SMG8: variants seen among roughly 807,000 people sequenced by gnomAD.
SMG8 encodes the protein SMG8 nonsense mediated mRNA decay factor.
A neutral mutation model predicts 82.1 loss-of-function variants in SMG8; 49 were observed. That is an observed-to-expected ratio of 0.60 (90% CI 0.47 to 0.76). SMG8 has a LOEUF of 0.76. Ranked by LOEUF, SMG8 falls within the 30% of genes least tolerant of loss-of-function variation. SMG8 has a pLI of 0.00. For synonymous variants in SMG8, 404 were observed against 430.0 expected, an observed-to-expected ratio of 0.94 and a Z score of 0.75; for missense variants, 969 against 1,166.4, an observed-to-expected ratio of 0.83 and a Z score of 2.46.
Position 59,212,345 on chromosome 17 carries a change from A to G in SMG8, c.1764A>G (p.Glu588=). ...HKFHSLPKSG[E]KPEADRNPPV... is the part of the protein sequence containing the mutation. ...AGTGGCTGTTATATTTTCCAGGAGAAAAACCAGAGGCTGATAGAAATCCGC... is the reference window on the plus strand; with the variant it reads ...AGTGGCTGTTATATTTTCCAGGAGAGAAACCAGAGGCTGATAGAAATCCGC... The change falls in exon 2 of 4, where the codon GAA becomes GAG. Residue 588 remains glutamate (E), a synonymous_variant. Coordinates refer to ENST00000300917, the MANE Select transcript of SMG8 (RefSeq NM_018149.7). The G allele has an allele frequency of 6.4e-7, 1 of 1,557,634 alleles. No homozygotes were observed. The highest frequency in any genetic ancestry group is 8.7e-7 in the Non-Finnish European group (1 of 1,143,028).
At position 59,210,565 on chromosome 17, in the gene SMG8, G is replaced by C. The variant is rs2147863831; in HGVS notation, c.514G>C (p.Gly172Arg). ...CCGGGCTTGTCGGGCTCTTCAGAGC[G>C]GGGAAGCTGGAGGTGGACTCTCTTT... ...LLRACRALQS[G>R]EAGGGLSLPH... The change falls in exon 1 of 4, where the codon GGG (glycine) becomes CGG (arginine). Residue 172 changes from glycine (G) to arginine (R), a missense_variant. By Grantham distance (125) the Gly-to-Arg change is moderately radical. Around this residue, in one of 3 missense-constraint regions of SMG8, gnomAD observed 662 missense variants for 884.8 expected, o/e 0.75. Coordinates refer to ENST00000300917, the MANE Select transcript of SMG8 (RefSeq NM_018149.7). 6.3e-7 allele frequency: 1 copy of C among 1,575,696 alleles called. No homozygotes were observed. Among genetic ancestry groups the C allele is most frequent in the African/African-American group, 1.4e-5 (1 of 73,664 alleles).
In SMG8 at chr17:59,210,401, G is replaced by C. The variant is rs759055595; in HGVS notation, c.350G>C (p.Arg117Pro). ...DPGAAAGGSV[R>P]GSGAVAEGNR... ...GGGGCTGCAGCCGGGGGTTCAGTTCGGGGAAGTGGAGCTGTCGCGGAAGGT... is the reference window on the plus strand; with the variant it reads ...GGGGCTGCAGCCGGGGGTTCAGTTCCGGGAAGTGGAGCTGTCGCGGAAGGT... Residue 117 changes from arginine (R) to proline (P), a missense_variant, in exon 1 of 4, where the codon CGG (arginine) becomes CCG (proline). Arg to Pro is a moderately radical substitution (Grantham distance 103, BLOSUM62 -2). Coordinates refer to ENST00000300917, the MANE Select transcript of SMG8 (RefSeq NM_018149.7). 10 of 1,610,700 alleles carry C rather than the reference G, an allele frequency of 6.2e-6. No individual in the cohort carries two copies. In the African/African-American group the frequency reaches 9.4e-5, roughly 15 times the overall value.
intron 3 of SMG8, among the ~76,000 whole-genome samples, chr17:59,213,838 A>AAATTG (rs1332200016): frequency 6.6e-6 from 1 of 152,202 alleles, no homozygotes; most frequent in African/African-American, 2.4e-5. Context: ...AAATTAAATT[A>AAATTG]AAAAACGAAT....
chr17:59,212,203 A>G (rs1161950721), intron 1 of SMG8, 138 bp from the exon 2 acceptor site: 23 of 631,642 alleles, frequency 3.6e-5, no homozygotes, highest in Non-Finnish European at 2.5e-6. Context: ...AATATAAAGT[A>G]TTTTATATAC....
intron 3 of SMG8, among the ~76,000 whole-genome samples, chr17:59,214,266 G>C (rs550962004): frequency 9.2e-5 from 14 of 151,966 alleles, no homozygotes; most frequent in African/African-American, 2.9e-4. Context: ...CAGCCTGGGT[G>C]ACTAAGAAAG....
chr17:59,213,335 C>T lies in SMG8; in HGVS notation c.2512C>T (p.Arg838Trp), dbSNP rs780424358. 6.2e-6 allele frequency: 10 copies of T among 1,614,010 alleles called. No individual in the cohort carries two copies. In the Admixed American group the frequency reaches 1.0e-4, roughly 16 times the overall value. ...TGCGGTTGTAATGGGAAGAGGAAGA[C>T]GGCGAGATGACATAGCTCGAGCTTT... ...RSAVVMGRGRRRDDIARAFVG... is the reference protein window; with the variant it reads ...RSAVVMGRGRWRDDIARAFVG... Residue 838 changes from arginine to tryptophan, a missense_variant, in exon 3 of 4, where the codon CGG (arginine) becomes TGG (tryptophan). By Grantham distance (101) the Arg-to-Trp change is moderately radical. Transcript: ENST00000300917.
In SMG8 at chr17:59,210,285, T is replaced by A. The variant is rs772500061; in HGVS notation, c.234T>A (p.Pro78=). 1 of 1,613,136 alleles carries A rather than the reference T, an allele frequency of 6.2e-7. No individual in the cohort carries two copies. Among genetic ancestry groups the A allele is most frequent in the East Asian group, 2.2e-5 (1 of 44,856 alleles). ...CGGTGTGCGACCGACAGGTCTTTCC[T>A]CTCTTTCGCCACCAAGATCCTGGGG... is the stretch of plus-strand genomic sequence containing the variant. The part of the protein sequence containing the change: ...VNTVCDRQVF[P]LFRHQDPGDP... The change falls in exon 1 of 4, where the codon CCT becomes CCA. Residue 78 remains proline (P), a synonymous_variant. Transcript: ENST00000300917.
Position 59,211,338 on chromosome 17 carries a change from C to T in SMG8, c.1287C>T (p.Asp429=). 1 of 1,614,116 alleles carries T rather than the reference C, an allele frequency of 6.2e-7. No individual in the cohort carries two copies. The highest frequency in any genetic ancestry group is 8.5e-7 in the Non-Finnish European group (1 of 1,180,006). The change falls in exon 1 of 4, where the codon GAC becomes GAT. Residue 429 remains aspartate (D), a synonymous_variant. Transcript: ENST00000300917. ...ELVLSKKGFD[D]SVGRNPQPSH... ...TTCTAAGCAAGAAAGGTTTCGATGA[C>T]AGTGTGGGCAGGAACCCACAGCCTT... is the stretch of plus-strand genomic sequence containing the variant.
At position 59,210,705 on chromosome 17, in the gene SMG8, C is replaced by T. The variant is rs781605340; in HGVS notation, c.654C>T (p.Ser218=). ...TGCTTCTGGTCCATCCCACTTGTTC[C>T]TTTGATATCACTTATGATCGAGTAT... is the stretch of plus-strand genomic sequence containing the variant. ...HILLLVHPTC[S]FDITYDRVFR... is the part of the protein sequence containing the mutation. Residue 218 remains serine (S), a synonymous_variant, in exon 1 of 4, where the codon TCC becomes TCT. Transcript: ENST00000300917. 1 of 1,614,120 alleles carries T rather than the reference C, an allele frequency of 6.2e-7. No homozygotes were observed. Among genetic ancestry groups the T allele is most frequent in the Admixed American group, 1.7e-5 (1 of 60,010 alleles).
chr17:59,213,912 ATACAT>A (rs2046956173), intron 3 of SMG8, among the ~76,000 whole-genome samples: 1 of 152,208 alleles, frequency 6.6e-6, no homozygotes, highest in Non-Finnish European at 1.5e-5. Context: ...TTTTTAAAAA[ATACAT>A]TGTGGGTATT....
chr17:59,214,823 C>G lies in SMG8; in HGVS notation c.2797C>G (p.Pro933Ala). ...LMPQVQPGPP[P>A]CPVFYPEKQE... ...TTTTCAGGTTCAGCCAGGCCCACCACCATGTCCGGTATTCTACCCAGAAAA... is the reference window on the plus strand; with the variant it reads ...TTTTCAGGTTCAGCCAGGCCCACCAGCATGTCCGGTATTCTACCCAGAAAA... The change falls in exon 4 of 4, where the codon CCA (proline) becomes GCA (alanine). Residue 933 changes from proline to alanine, a missense_variant. Physicochemically the swap from Pro to Ala is conservative, Grantham distance 27. This residue lies in a region of SMG8 where 101 missense variants were observed against 91.1 expected (regional missense o/e 1.11). Coordinates refer to ENST00000300917, the MANE Select transcript of SMG8 (RefSeq NM_018149.7). The G allele has an allele frequency of 1.1e-6, 1 of 872,968 alleles. No individual in the cohort carries two copies. The highest frequency in any genetic ancestry group is 2.0e-6 in the Non-Finnish European group (1 of 501,686). 54.1% of individuals were successfully genotyped at this position (872,968 alleles called of 1,614,324 possible). A position where few individuals can be genotyped will look rare whatever the true frequency, so the allele number is the denominator to read the frequency against.
chr17:59,211,986 ACTTT>A (rs1184132439), intron 1 of SMG8, 176 bp downstream of exon 1: 12 of 518,030 alleles, frequency 2.3e-5, no homozygotes, highest in African/African-American at 2.0e-4. Context: ...AGCTATGACT[ACTTT>A]CTTATTTTTT....
intron 3 of SMG8, among the ~76,000 whole-genome samples, chr17:59,214,249 T>C (rs571743902): frequency 1.1e-4 from 16 of 152,068 alleles, no homozygotes; most frequent in Admixed American, 8.5e-4. Context: ...ATCGCGCCAT[T>C]GCACTCCAGC....
Position 59,213,163 on chromosome 17 carries a change from T to C in SMG8, c.2340T>C (p.His780=), listed in dbSNP as rs144898281. The part of the protein sequence containing the change: ...KLGPAKSYNF[H]TGLDQQGFIP... The stretch of plus-strand genomic sequence containing the variant: ...GCCCTGCTAAGTCTTATAACTTTCA[T>C]ACAGGTTTGGACCAACAGGGCTTTA... The change falls in exon 3 of 4, where the codon CAT becomes CAC. Residue 780 remains histidine, a synonymous_variant. Coordinates refer to ENST00000300917, the MANE Select transcript of SMG8 (RefSeq NM_018149.7). The C allele has an allele frequency of 7.6e-5, 122 of 1,614,212 alleles. No homozygotes were observed. The highest frequency in any genetic ancestry group is 6.5e-4 in the Admixed American group (39 of 60,006).
In SMG8 at chr17:59,212,437, C is replaced by T. The variant is rs2046949855; in HGVS notation, c.1856C>T (p.Pro619Leu). Residue 619 changes from proline to leucine, a missense_variant, in exon 2 of 4, where the codon CCT (proline) becomes CTT (leucine). Coordinates refer to ENST00000300917, the MANE Select transcript of SMG8 (RefSeq NM_018149.7). ...GACNCGRKQAPRDDPFDIKAA... is the reference protein window; with the variant it reads ...GACNCGRKQALRDDPFDIKAA... ...TGCAACTGTGGAAGGAAACAAGCACCTCGAGATGATCCCTTTGATATCAAA... is the reference window on the plus strand; with the variant it reads ...TGCAACTGTGGAAGGAAACAAGCACTTCGAGATGATCCCTTTGATATCAAA... The T allele has an allele frequency of 6.2e-7, 1 of 1,608,982 alleles. No individual in the cohort carries two copies. Among genetic ancestry groups the T allele is most frequent in the Non-Finnish European group, 8.5e-7 (1 of 1,176,222 alleles).
In SMG8 at chr17:59,210,813, G is replaced by A. The variant is rs890791094; in HGVS notation, c.762G>A (p.Trp254Ter). 2 of 1,614,044 alleles carry A rather than the reference G, an allele frequency of 1.2e-6. No individual in the cohort carries two copies. Among genetic ancestry groups the A allele is most frequent in the Non-Finnish European group, 1.7e-6 (2 of 1,180,044 alleles). Residue 254 changes from tryptophan to a stop codon, truncating the protein, a stop_gained, in exon 1 of 4, where the codon TGG becomes TGA. Transcript: ENST00000300917. LOFTEE classifies it high-confidence loss of function. ...AGGATTGTCCAGTTGGCAAAGACTG[G>A]AAGCTAAACTGCCGACCTTGCCCAC... is the stretch of plus-strand genomic sequence containing the variant. ...AIKDCPVGKD[W>*]KLNCRPCPPR... is the part of the protein sequence containing the mutation.
At chr17:59,213,663 G>A (rs1257189829) in intron 3 of SMG8, 62 bp downstream of exon 3, 2 of 1,518,404 alleles carry the variant, frequency 1.3e-6, no homozygotes, top group Non-Finnish European at 1.8e-6. Flanking sequence ...TGTTTTGATT[G>A]ATTTTAAAAA....
chr17:59,211,272 T>C lies in SMG8; in HGVS notation c.1221T>C (p.Asp407=). The C allele has an allele frequency of 6.2e-7, 1 of 1,614,062 alleles. No homozygotes were observed. Among genetic ancestry groups the C allele is most frequent in the Non-Finnish European group, 8.5e-7 (1 of 1,179,976 alleles). The change falls in exon 1 of 4, where the codon GAT becomes GAC. Residue 407 remains aspartate, a synonymous_variant. Transcript: ENST00000300917. ...CCAGTTCTTCAGGCCAGCTAGTGGA[T>C]TTCACTCTTCGGGAATTCCTATGGC... ...SSSSSSGQLV[D]FTLREFLWQH...
In SMG8 at chr17:59,212,844, C is replaced by G; in HGVS notation, c.2021C>G (p.Ser674Trp). 6.2e-7 allele frequency: 1 copy of G among 1,614,042 alleles called. No individual in the cohort carries two copies. Among genetic ancestry groups the G allele is most frequent in the Non-Finnish European group, 8.5e-7 (1 of 1,180,026 alleles). Reference protein sequence around the residue: ...KNESSPAPPDSDADKLKEKEP... With the variant: ...KNESSPAPPDWDADKLKEKEP... Reference sequence around the variant, plus strand: ...GAATCCTCTCCTGCTCCTCCAGATTCGGATGCTGATAAACTTAAAGAAAAA... The same window carrying G: ...GAATCCTCTCCTGCTCCTCCAGATTGGGATGCTGATAAACTTAAAGAAAAA... Residue 674 changes from serine (S) to tryptophan (W), a missense_variant, in exon 3 of 4, where the codon TCG (serine) becomes TGG (tryptophan). Physicochemically the swap from Ser to Trp is radical, Grantham distance 177. Transcript: ENST00000300917.
Sources: allele counts gnomAD v4.1 joint callset (sites outside exome capture counted in the v4.1 genomes callset), GRCh38; gene constraint gnomAD v4.1.1; regional missense constraint gnomAD v4.1.1; transcripts MANE v1.5; gene names NCBI Gene and HGNC (gene_info 2026-07-23, HGNC 2026-07-21).